AKT3: variants seen among roughly 807,000 people sequenced by gnomAD.
AKT3 encodes AKT serine/threonine kinase 3.
AKT3 carries 15 observed loss-of-function variants against 65.3 expected under a neutral mutation model. The ratio of observed to expected loss-of-function variants is 0.23; its 90% CI spans 0.15 to 0.35. The LOEUF (loss-of-function observed/expected upper bound fraction) is 0.35. AKT3 is among the 10% of genes least tolerant of loss of function. The pLI, the probability that AKT3 is intolerant of heterozygous loss-of-function variation, is 1.00. For synonymous variants in AKT3, 206 were observed against 183.8 expected (o/e 1.12, Z -0.98); for missense variants, 243 against 576.5 (o/e 0.42, Z 5.92).
At chr1:243,615,209 T>C in intron 6 of AKT3, 48 bp from the exon 7 acceptor site, 1 of 1,359,714 alleles carries the variant, frequency 7.4e-7, no homozygotes, top group Non-Finnish European at 1.0e-6. Context: ...TGAGCACTGA[T>C]AATAATAATT....
intron 12 of AKT3, among the ~76,000 whole-genome samples, chr1:243,536,442 A>C (rs1331179625): frequency 6.6e-6 from 1 of 152,154 alleles, no homozygotes; most frequent in Non-Finnish European, 1.5e-5. Context: ...AGATGCTGTT[A>C]TTTGGTGCAA....
intron 2 of AKT3, among the ~76,000 whole-genome samples, chr1:243,713,353 C>G (rs890237394): frequency 2.6e-5 from 4 of 151,970 alleles, no homozygotes; most frequent in Non-Finnish European, 5.9e-5. Flanking sequence ...AGTATTAAAC[C>G]CCTAAACTAA....
At chr1:243,496,086 A>C (rs1667783032), downstream of AKT3, among the ~76,000 whole-genome samples, 3 of 152,240 alleles carry the variant, frequency 2.0e-5, no homozygotes, top group Non-Finnish European at 2.9e-5. Flanking sequence ...TGAAACCAAC[A>C]GGATTAGTGC....
intron 8 of AKT3, among the ~76,000 whole-genome samples, chr1:243,592,344 A>G (rs1055654393): frequency 1.8e-4 from 28 of 152,094 alleles, no homozygotes; most frequent in Admixed American, 1.4e-3. Flanking sequence ...CAAAAAAAAA[A>G]AAGACAAAAA....
chr1:243,754,541 G>C (rs1448926500), intron 2 of AKT3, among the ~76,000 whole-genome samples: 1 of 152,124 alleles, frequency 6.6e-6, no homozygotes, highest in Non-Finnish European at 1.5e-5. Context: ...TGGCTGTTAG[G>C]AACCAGGCCA....
chr1:243,830,051 A>G (rs187339257), intron 2 of AKT3, among the ~76,000 whole-genome samples: 4 of 152,282 alleles, frequency 2.6e-5, no homozygotes, highest in East Asian at 1.9e-4. Flanking sequence ...TCAGCCCTCC[A>G]TATCTGTGGG....
chr1:243,648,728 A>T lies in AKT3; in HGVS notation c.285-2691T>A, dbSNP rs79112050. 4.3e-4 allele frequency among the ~76,000 whole-genome samples: 66 copies of T among 152,284 alleles called. No homozygotes were observed. In the East Asian group the frequency reaches 0.013, roughly 29 times the overall value. ...TTGGAACCTTTGAGGAAAGGTTCTT[A>T]ATTACTAATTCACTTCCATTCATTG... On this transcript the variant is annotated intron_variant, in intron 4 of 13. Transcript: ENST00000673466.
intron 2 of AKT3, among the ~76,000 whole-genome samples, chr1:243,778,070 C>T (rs923688675): frequency 6.6e-6 from 1 of 152,128 alleles, no homozygotes; most frequent in African/African-American, 2.4e-5. Context: ...AAAAGTATGA[C>T]CTTGCCTATT....
chr1:243,601,306 GA>G (rs1197117180), intron 8 of AKT3, among the ~76,000 whole-genome samples: 90 of 152,022 alleles, frequency 5.9e-4, no homozygotes, highest in Non-Finnish European at 5.9e-5. Flanking sequence ...CTTCAAAAAA[GA>G]TGATGTATAA....
chr1:243,847,872 T>A (rs1292579625), intron 1 of AKT3, among the ~76,000 whole-genome samples: 1 of 152,176 alleles, frequency 6.6e-6, no homozygotes, highest in African/African-American at 2.4e-5. Flanking sequence ...TAAAGTACTC[T>A]GACATATACA....
At chr1:243,536,977 G>A (rs1447591927) in intron 12 of AKT3, among the ~76,000 whole-genome samples, 2 of 152,106 alleles carry the variant, frequency 1.3e-5, no homozygotes, top group African/African-American at 2.4e-5. Flanking sequence ...CACTTGTAAA[G>A]CAGTAGCTTA....
At chr1:243,677,258 T>G (rs574326409) in intron 3 of AKT3, among the ~76,000 whole-genome samples, 1 of 152,168 alleles carries the variant, frequency 6.6e-6, no homozygotes, top group Non-Finnish European at 1.5e-5. Flanking sequence ...CAACTCATAC[T>G]CTCTATCCCT....
chr1:243,722,516 A>T (rs1165303163), intron 2 of AKT3, among the ~76,000 whole-genome samples: 1 of 152,160 alleles, frequency 6.6e-6, no homozygotes, highest in East Asian at 1.9e-4. Context: ...CACCATTTCT[A>T]GTAATCATCA....
At chr1:243,792,703 T>C (rs945203127) in intron 2 of AKT3, among the ~76,000 whole-genome samples, 11 of 152,188 alleles carry the variant, frequency 7.2e-5, no homozygotes, top group Admixed American at 7.2e-4. Context: ...GAGCTTCATG[T>C]GTACAACACC....
downstream of AKT3, among the ~76,000 whole-genome samples, chr1:243,498,501 G>C (rs1019351972): frequency 6.6e-6 from 1 of 152,080 alleles, no homozygotes; most frequent in African/African-American, 2.4e-5. Flanking sequence ...TCAGCCTGAG[G>C]CCAGGCCCCC....
At chr1:243,812,600 A>G (rs1463841915) in intron 2 of AKT3, among the ~76,000 whole-genome samples, 1 of 152,182 alleles carries the variant, frequency 6.6e-6, no homozygotes, top group Non-Finnish European at 1.5e-5. Flanking sequence ...ACCATTGTGG[A>G]AGACAGTGTG....
intron 2 of AKT3, among the ~76,000 whole-genome samples, chr1:243,767,370 A>G (rs1317972810): frequency 1.3e-5 from 2 of 152,162 alleles, no homozygotes; most frequent in African/African-American, 4.8e-5. Context: ...GCTATAGAGA[A>G]GAGTTTTATC....
intron 9 of AKT3, among the ~76,000 whole-genome samples, chr1:243,571,749 T>G (rs1674580800): frequency 6.6e-6 from 1 of 152,220 alleles, no homozygotes. Flanking sequence ...GATACATGAA[T>G]GCTGAATTCT....
chr1:243,711,477 T>A (rs948226033), intron 2 of AKT3, among the ~76,000 whole-genome samples: 19 of 152,298 alleles, frequency 1.2e-4, no homozygotes, highest in African/African-American at 4.3e-4. Flanking sequence ...CAATCATATA[T>A]CCCTAAATAA....
Sources: allele counts gnomAD v4.1 joint callset (sites outside exome capture counted in the v4.1 genomes callset), GRCh38; gene constraint gnomAD v4.1.1; transcripts MANE v1.5; gene names NCBI Gene and HGNC (gene_info 2026-07-23, HGNC 2026-07-21).